Variants in SORT1 observed in about 807,000 individuals in gnomAD.
The protein encoded by SORT1 is sortilin 1.
Under a neutral mutation model 101.7 loss-of-function variants are expected in SORT1, and 39 were observed. The ratio of observed to expected loss-of-function variants is 0.38; its 90% confidence interval spans 0.30 to 0.50. SORT1 has a LOEUF of 0.50. Ranked by LOEUF, SORT1 falls within the 20% of genes least tolerant of loss-of-function variation. The pLI is 0.90. For missense variants in SORT1, 878 were observed against 1,040.4 expected, an observed-to-expected ratio of 0.84 and a Z score of 2.15; for synonymous variants, 396 against 393.7, an observed-to-expected ratio of 1.01 and a Z score of -0.07.
At chr1:109,372,314 A>C (rs1293634234) in intron 1 of SORT1, among the ~76,000 whole-genome samples, 1 of 152,220 alleles carries the variant, frequency 6.6e-6, no homozygotes, top group Non-Finnish European at 1.5e-5. Context: ...TGTCCTCCCC[A>C]CTAGACCTGA....
intron 2 of SORT1, among the ~76,000 whole-genome samples, chr1:109,368,076 T>C (rs1651211222): frequency 6.6e-6 from 1 of 151,942 alleles, no homozygotes; most frequent in Admixed American, 6.6e-5. Flanking sequence ...GACGGATCAC[T>C]TGAGGTCAGA....
At chr1:109,353,601 A>T (rs1650110877) in intron 5 of SORT1, among the ~76,000 whole-genome samples, 1 of 152,154 alleles carries the variant, frequency 6.6e-6, no homozygotes, top group African/African-American at 2.4e-5. Context: ...TAAAAATATT[A>T]GCCACCCCAC....
intron 15 of SORT1, among the ~76,000 whole-genome samples, chr1:109,318,192 C>T (rs1177570187): frequency 6.7e-6 from 1 of 149,906 alleles, no homozygotes; most frequent in Admixed American, 6.6e-5. Context: ...CCCACTCTCT[C>T]GCCTAGGCTG....
At chr1:109,396,877 T>C (rs1653206209) in intron 1 of SORT1, among the ~76,000 whole-genome samples, 2 of 152,228 alleles carry the variant, frequency 1.3e-5, no homozygotes, top group South Asian at 4.1e-4. Context: ...AGTCCAGTAG[T>C]GTGCAAAGGT....
At chr1:109,323,411 T>G (rs1053102853) in intron 14 of SORT1, among the ~76,000 whole-genome samples, 10 of 152,222 alleles carry the variant, frequency 6.6e-5, no homozygotes, top group African/African-American at 2.4e-4. Flanking sequence ...CTCAAGTTCC[T>G]TCCAAACTAA....
At chr1:109,377,825 T>C (rs1358624455) in intron 1 of SORT1, among the ~76,000 whole-genome samples, 1 of 152,112 alleles carries the variant, frequency 6.6e-6, no homozygotes. Flanking sequence ...AGGAAGATAA[T>C]ATGCAAGTAT....
intron 3 of SORT1, 22 bp from the exon 4 acceptor site, chr1:109,355,491 C>T: frequency 8.7e-7 from 1 of 1,143,500 alleles, no homozygotes; most frequent in Non-Finnish European, 1.3e-6. Context: ...AAAAAAAGGG[C>T]AAATTTAGGG....
chr1:109,360,583 C>T (rs1650656725), intron 3 of SORT1, among the ~76,000 whole-genome samples: 2 of 151,694 alleles, frequency 1.3e-5, no homozygotes, highest in African/African-American at 2.4e-5. Flanking sequence ...GCAATCCTTC[C>T]ACCTCAGCCT....
intron 15 of SORT1, among the ~76,000 whole-genome samples, chr1:109,321,694 T>C (rs867949428): frequency 3.9e-5 from 6 of 152,240 alleles, no homozygotes; most frequent in Non-Finnish European, 8.8e-5. Context: ...TAAAGGGCCA[T>C]GGCTGCTATC....
At chr1:109,317,049 G>A (rs773666692) in intron 16 of SORT1, 91 bp from the exon 17 acceptor site, 16 of 825,518 alleles carry the variant, frequency 1.9e-5, no homozygotes, top group African/African-American at 5.2e-5. Context: ...AAAAGCTGCC[G>A]AAAAGCTTCC....
At chr1:109,326,536 T>C (rs113866477) in intron 13 of SORT1, among the ~76,000 whole-genome samples, 12 of 143,818 alleles carry the variant, frequency 8.3e-5, no homozygotes, top group South Asian at 2.2e-4. Context: ...CACATATATA[T>C]ACATATATAT....
chr1:109,318,424 A>C (rs1052766020), intron 15 of SORT1, among the ~76,000 whole-genome samples: 1 of 152,130 alleles, frequency 6.6e-6, no homozygotes, highest in South Asian at 2.1e-4. Context: ...TGCTGGGATT[A>C]CAGGTGTGAG....
intron 6 of SORT1, among the ~76,000 whole-genome samples, chr1:109,349,269 T>A (rs1173058472): frequency 6.6e-6 from 1 of 150,728 alleles, no homozygotes; most frequent in South Asian, 2.1e-4. Flanking sequence ...CACTTGAACC[T>A]GGGAGGTGGA....
chr1:109,364,554 A>G (rs112605780), intron 3 of SORT1, among the ~76,000 whole-genome samples: 221 of 152,320 alleles, frequency 1.5e-3, no homozygotes, highest in African/African-American at 5.0e-3. Flanking sequence ...AATTATGTCA[A>G]TCTAAAAAAA....
At chr1:109,324,689 C>G (rs1243233220) in intron 14 of SORT1, among the ~76,000 whole-genome samples, 1 of 152,154 alleles carries the variant, frequency 6.6e-6, no homozygotes, top group Non-Finnish European at 1.5e-5. Flanking sequence ...ATGTGGCCCT[C>G]ATATTTCTCC....
At position 109,322,943 on chromosome 1, in the gene SORT1, C is replaced by G; in HGVS notation, c.2013G>C (p.Glu671Asp). Residue 671 changes from glutamate (E) to aspartate (D), a missense_variant, in exon 15 of 20, where the codon GAG (glutamate) becomes GAC (aspartate). Physicochemically the swap from Glu to Asp is conservative, Grantham distance 45. This residue lies in a region of SORT1 where 684 missense variants were observed against 894.5 expected (regional missense o/e 0.76). Transcript: ENST00000256637. Reference sequence around the variant, plus strand: ...AGGAATGCTGATACCAGAGAAAGTCCTCCAGGGAACAGAGGCAGATGGAGG... The same window carrying G: ...AGGAATGCTGATACCAGAGAAAGTCGTCCAGGGAACAGAGGCAGATGGAGG... ...KQPSICLCSL[E>D]DFLCDFGYYR... 3 of 1,612,864 alleles carry G rather than the reference C, an allele frequency of 1.9e-6. No individual in the cohort carries two copies. Among genetic ancestry groups the G allele is most frequent in the Non-Finnish European group, 2.5e-6 (3 of 1,179,372 alleles).
At position 109,314,722 on chromosome 1, in the gene SORT1, G is replaced by T; in HGVS notation, c.2307C>A (p.Val769=). Residue 769 remains valine (V), a synonymous_variant, in exon 18 of 20, where the codon GTC becomes GTA. Coordinates refer to ENST00000256637, the MANE Select transcript of SORT1 (RefSeq NM_002959.7). The part of the protein sequence containing the change: ...IILAIVGLML[V]TVVAGVLIVK... The stretch of plus-strand genomic sequence containing the variant: ...CAATGAGCACTCCTGCTACGACTGT[G>T]ACCAGCATCAATCCCACGATGGCCA... 6.2e-7 allele frequency: 1 copy of T among 1,611,994 alleles called. No homozygotes were observed. The highest frequency in any genetic ancestry group is 1.1e-5 in the South Asian group (1 of 90,988).
intron 8 of SORT1, among the ~76,000 whole-genome samples, chr1:109,343,083 C>T (rs1649336634): frequency 6.6e-6 from 1 of 152,128 alleles, no homozygotes; most frequent in Non-Finnish European, 1.5e-5. Flanking sequence ...GCATAGGAAG[C>T]TACCTCTGGA....
rs541319758 is a variant in SORT1 at position 109,327,726 on chromosome 1, A to T, written c.1372-125T>A. The T allele has an allele frequency of 1.9e-4, 103 of 530,670 alleles. No individual in the cohort carries two copies. In the Middle Eastern group the frequency reaches 8.5e-3, roughly 44 times the overall value. 32.9% of individuals were successfully genotyped at this position (530,670 alleles called of 1,614,324 possible). ...AGACCTAGGTAAAAGTACTATCTTA[A>T]CTATTTATTTACTATTTAGGTGTAT... is the stretch of plus-strand genomic sequence containing the variant. On this transcript the variant is annotated intron_variant, in intron 11 of 19. Coordinates refer to ENST00000256637, the MANE Select transcript of SORT1 (RefSeq NM_002959.7).
Sources: gnomAD v4.1 joint callset for allele counts (sites outside exome capture counted in the v4.1 genomes callset) on GRCh38, gnomAD v4.1.1 for gene constraint, gnomAD v4.1.1 regional missense constraint, MANE v1.5 for transcripts, NCBI Gene and HGNC (gene_info 2026-07-23, HGNC 2026-07-21) for gene names.